The following MYOF variants were observed in gnomAD, a reference collection of about 807,000 sequenced individuals.
MYOF encodes the protein fer-1-like 3, myoferlin.
Under a neutral mutation model 284.2 loss-of-function variants are expected in MYOF, and 244 were observed. The ratio of observed to expected loss-of-function variants is 0.86; its 90% CI spans 0.77 to 0.95. MYOF has a LOEUF of 0.95. Ranked by LOEUF, MYOF falls within the 40% of genes least tolerant of loss-of-function variation. MYOF has a pLI of 0.00. For synonymous variants in MYOF, 904 were observed against 919.7 expected (o/e 0.98, Z 0.31); for missense variants, 2,496 against 2,560.6 (o/e 0.97, Z 0.54).
At chr10:93,405,666 C>G (rs1179510422) in intron 7 of MYOF, among the ~76,000 whole-genome samples, 1 of 152,104 alleles carries the variant, frequency 6.6e-6, no homozygotes. Context: ...GGCCATTTGA[C>G]AAGACTTGAC....
chr10:93,415,929 G>A (rs575161822), intron 5 of MYOF, among the ~76,000 whole-genome samples: 341 of 152,164 alleles, frequency 2.2e-3, no homozygotes, highest in Middle Eastern at 6.8e-3. Context: ...CCCCTCTTGG[G>A]AGCAAACTCC....
rs1230562618 is a variant in MYOF at position 93,396,172 on chromosome 10, TAG to T, written c.1385_1386del (p.Ser462Ter). ...DVVGTTYLHL[S>X]KIAASGGEVE... ...ACTTCCCCACCAGAGGCAGCAATTTTAGAGAGGTGTAGATATGTTGTTCCAAC... is the reference window on the plus strand; with the variant it reads ...ACTTCCCCACCAGAGGCAGCAATTTTAGAGGTGTAGATATGTTGTTCCAAC... On this transcript the variant is annotated frameshift_variant, in exon 16 of 54. Transcript: ENST00000359263. LOFTEE classifies it high-confidence loss of function. 1 of 1,609,650 alleles carries T rather than the reference TAG, an allele frequency of 6.2e-7. No homozygotes were observed. Among genetic ancestry groups the T allele is most frequent in the Non-Finnish European group, 8.5e-7 (1 of 1,177,600 alleles).
At chr10:93,369,093 T>C (rs934175425) in intron 25 of MYOF, among the ~76,000 whole-genome samples, 3 of 149,852 alleles carry the variant, frequency 2.0e-5, no homozygotes, top group Non-Finnish European at 4.4e-5. Flanking sequence ...TCTATTGTTT[T>C]AGAAGTATTC....
At chr10:93,367,229 A>G (rs896066239) in intron 25 of MYOF, among the ~76,000 whole-genome samples, 2 of 152,186 alleles carry the variant, frequency 1.3e-5, no homozygotes, top group African/African-American at 4.8e-5. Flanking sequence ...ATTCCTTTCC[A>G]AGTTAGAATC....
intron 43 of MYOF, among the ~76,000 whole-genome samples, chr10:93,332,427 G>A (rs11187383): frequency 0.4 from 60,293 of 151,038 alleles, 13,661 homozygotes; most frequent in East Asian, 0.91. Context: ...TCACCAGGTT[G>A]GCCAGGCTGG....
At chr10:93,471,846 A>C (rs1021713205) in intron 1 of MYOF, among the ~76,000 whole-genome samples, 12 of 151,190 alleles carry the variant, frequency 7.9e-5, no homozygotes, top group Non-Finnish European at 1.8e-4. Flanking sequence ...CCAAGATTGC[A>C]CCATTGCACT....
intron 1 of MYOF, among the ~76,000 whole-genome samples, chr10:93,474,362 T>G (rs1347675351): frequency 3.9e-5 from 6 of 152,224 alleles, no homozygotes; most frequent in Admixed American, 1.3e-4. Flanking sequence ...CCTCCTGTAC[T>G]GTTCCAAAGC....
chr10:93,356,907 G>T, intron 29 of MYOF, 59 bp from the exon 30 acceptor site: 2 of 1,489,280 alleles, frequency 1.3e-6, no homozygotes, highest in South Asian at 2.6e-5. Flanking sequence ...TCCTTATTTT[G>T]ATAAAACAGG....
chr10:93,321,610 C>T (rs1449982344), intron 48 of MYOF, among the ~76,000 whole-genome samples: 1 of 152,052 alleles, frequency 6.6e-6, no homozygotes, highest in African/African-American at 2.4e-5. Context: ...TTCTCTTGGC[C>T]ATGACCTTGG....
At chr10:93,354,131 T>C (rs1029847272) in intron 31 of MYOF, among the ~76,000 whole-genome samples, 1 of 152,170 alleles carries the variant, frequency 6.6e-6, no homozygotes, top group Non-Finnish European at 1.5e-5. Flanking sequence ...TCCCAGAACT[T>C]TGGGAGTCCT....
chr10:93,442,768 C>G (rs913801230), intron 3 of MYOF, among the ~76,000 whole-genome samples: 3 of 152,182 alleles, frequency 2.0e-5, no homozygotes, highest in African/African-American at 7.2e-5. Flanking sequence ...TTGTAATTGT[C>G]ATCTCTAGCA....
At chr10:93,442,226 A>G (rs1470960905) in intron 3 of MYOF, among the ~76,000 whole-genome samples, 1 of 152,196 alleles carries the variant, frequency 6.6e-6, no homozygotes, top group Non-Finnish European at 1.5e-5. Flanking sequence ...TGATATAAGG[A>G]TTAAATGCGA....
intron 37 of MYOF, among the ~76,000 whole-genome samples, chr10:93,344,725 TTA>T (rs1844098176): frequency 5.1e-4 from 3 of 5,858 alleles, no homozygotes; most frequent in African/African-American, 1.2e-3. Flanking sequence ...AGAACTTAAA[TTA>T]AAAAAAAAAA....
At chr10:93,433,441 G>A (rs962430029) in intron 3 of MYOF, among the ~76,000 whole-genome samples, 51 of 152,258 alleles carry the variant, frequency 3.3e-4, no homozygotes, top group Middle Eastern at 6.8e-3. Flanking sequence ...TTACAGGCGT[G>A]AGCCGCCGCG....
At chr10:93,426,960 C>T (rs1299379140) in intron 4 of MYOF, among the ~76,000 whole-genome samples, 4 of 142,570 alleles carry the variant, frequency 2.8e-5, no homozygotes, top group African/African-American at 5.0e-5. Context: ...AATCTCGGCT[C>T]ACTGCAGCCT....
chr10:93,329,604 C>T (rs961560262), intron 44 of MYOF, 60 bp downstream of exon 44: 4 of 1,593,542 alleles, frequency 2.5e-6, no homozygotes, highest in African/African-American at 2.7e-5. Context: ...GGGCCTAGGC[C>T]TCCCCAGGTG....
chr10:93,383,578 C>T (rs530912953), intron 19 of MYOF, among the ~76,000 whole-genome samples: 22 of 152,232 alleles, frequency 1.4e-4, no homozygotes, highest in Middle Eastern at 3.4e-3. Flanking sequence ...CTGGAATACC[C>T]GTGGTCCAGA....
At chr10:93,464,396 A>G (rs999569459) in intron 1 of MYOF, among the ~76,000 whole-genome samples, 1 of 152,186 alleles carries the variant, frequency 6.6e-6, no homozygotes, top group Non-Finnish European at 1.5e-5. Context: ...GCTGCTCTGG[A>G]GAATCCTGAC....
chr10:93,456,447 C>A (rs970925076), intron 2 of MYOF, among the ~76,000 whole-genome samples: 4 of 152,126 alleles, frequency 2.6e-5, no homozygotes, highest in Admixed American at 2.6e-4. Context: ...ATGTCATTAC[C>A]CAGCTAGACA....
Sources: gnomAD v4.1 joint callset for allele counts (sites outside exome capture counted in the v4.1 genomes callset) on GRCh38, gnomAD v4.1.1 for gene constraint, MANE v1.5 for transcripts, NCBI Gene and HGNC (gene_info 2026-07-23, HGNC 2026-07-21) for gene names.